ITPR2: variants seen among roughly 807,000 people sequenced by gnomAD.
The protein encoded by ITPR2 is inositol 1,4,5-trisphosphate-gated calcium channel ITPR2.
ITPR2 carries 207 observed loss-of-function variants against 317.1 expected under a neutral mutation model. The observed-to-expected ratio is 0.65, with a 90% confidence interval of 0.58 to 0.73. The LOEUF (loss-of-function observed/expected upper bound fraction) is 0.73, where lower values mean the gene tolerates loss of function less well. ITPR2 is among the 30% of genes least tolerant of loss of function. The pLI is 0.00. For synonymous variants in ITPR2, 1,156 were observed against 1,149.1 expected (o/e 1.01, Z -0.12); for missense variants, 2,613 against 3,284.0 (o/e 0.80, Z 4.99).
At chr12:26,817,878 G>A (rs1950886013) in intron 1 of ITPR2, among the ~76,000 whole-genome samples, 1 of 152,148 alleles carries the variant, frequency 6.6e-6, no homozygotes, top group South Asian at 2.1e-4. Context: ...GGGTGGGGGA[G>A]GCAGTAAATC....
At chr12:26,417,701 A>G (rs1940763396) in intron 50 of ITPR2, among the ~76,000 whole-genome samples, 1 of 152,172 alleles carries the variant, frequency 6.6e-6, no homozygotes, top group Non-Finnish European at 1.5e-5. Context: ...ACTCAGTCTC[A>G]GGTAGTATAT....
chr12:26,483,951 T>C (rs1942601979), intron 41 of ITPR2, 53 bp from the exon 42 acceptor site: 1 of 1,450,362 alleles, frequency 6.9e-7, no homozygotes, highest in Non-Finnish European at 9.7e-7. Context: ...ACTGTGCTGA[T>C]TGTTTGCTGT....
At chr12:26,505,143 T>A (rs1352186502) in intron 37 of ITPR2, among the ~76,000 whole-genome samples, 1 of 152,228 alleles carries the variant, frequency 6.6e-6, no homozygotes, top group Non-Finnish European at 1.5e-5. Context: ...GTTGTATATA[T>A]TTCTTCATAA....
At chr12:26,723,076 C>A (rs1217992055) in intron 4 of ITPR2, among the ~76,000 whole-genome samples, 1 of 152,040 alleles carries the variant, frequency 6.6e-6, no homozygotes, top group Non-Finnish European at 1.5e-5. Context: ...GGATGCTGAC[C>A]CTACCCCCTC....
At chr12:26,391,550 CTTTTCCTTT>C (rs1939839495) in intron 54 of ITPR2, among the ~76,000 whole-genome samples, 7 of 59,904 alleles carry the variant, frequency 1.2e-4, no homozygotes, top group Admixed American at 4.2e-4. Context: ...TCTTCTTCTT[CTTTTCCTTT>C]TTTTTTTTTT....
rs1237057477 is a variant in ITPR2 at position 26,694,524 on chromosome 12, G to C, written c.996+1082C>G. 2.0e-5 allele frequency among the ~76,000 whole-genome samples: 3 copies of C among 152,226 alleles called. No individual in the cohort carries two copies. The East Asian group carries it at 5.8e-4, about 29-fold the overall frequency. The stretch of plus-strand genomic sequence containing the variant: ...GATGCCCCACAGCTCCTCATGGCAT[G>C]TTCCTTTCTCACTGCATAAGTAATA... On this transcript the variant is annotated intron_variant, in intron 10 of 56. Coordinates refer to ENST00000381340, the MANE Select transcript of ITPR2 (RefSeq NM_002223.4).
At chr12:26,449,685 G>A (rs561219894) in intron 45 of ITPR2, among the ~76,000 whole-genome samples, 6 of 152,246 alleles carry the variant, frequency 3.9e-5, no homozygotes, top group African/African-American at 1.4e-4. Flanking sequence ...GAGGAAGAAA[G>A]GATGGCATGA....
intron 55 of ITPR2, among the ~76,000 whole-genome samples, chr12:26,375,447 T>C (rs1193420882): frequency 6.6e-6 from 1 of 152,236 alleles, no homozygotes; most frequent in Admixed American, 6.5e-5. Context: ...TCAGATCACA[T>C]GATATCCACA....
At chr12:26,672,560 G>C (rs1267192118) in intron 13 of ITPR2, among the ~76,000 whole-genome samples, 1 of 150,312 alleles carries the variant, frequency 6.7e-6, no homozygotes, top group East Asian at 1.9e-4. Context: ...AGTGTGTAGA[G>C]GGAAATTTAT....
At chr12:26,680,799 G>T (rs1361961846) in intron 13 of ITPR2, among the ~76,000 whole-genome samples, 2 of 152,172 alleles carry the variant, frequency 1.3e-5, no homozygotes, top group South Asian at 2.1e-4. Context: ...TCCATTTGGG[G>T]TTATTTCAAA....
chr12:26,376,309 T>C (rs10505997), intron 55 of ITPR2, among the ~76,000 whole-genome samples: 15,387 of 152,190 alleles, frequency 0.1, 860 homozygotes, highest in South Asian at 0.21. Flanking sequence ...TAAGCCAAAC[T>C]GAGATGATCA....
chr12:26,670,225 G>C (rs1947730718), intron 13 of ITPR2, among the ~76,000 whole-genome samples: 1 of 152,210 alleles, frequency 6.6e-6, no homozygotes, highest in Non-Finnish European at 1.5e-5. Context: ...CTGGAGATCT[G>C]AGAACGGGCA....
intron 2 of ITPR2, among the ~76,000 whole-genome samples, chr12:26,746,796 A>G (rs1303613747): frequency 6.6e-6 from 1 of 150,572 alleles, no homozygotes; most frequent in Non-Finnish European, 1.5e-5. Context: ...AAAGAGCACA[A>G]GTGTTCTCTT....
chr12:26,491,482 CAAAAAAAAAAA>C (rs57612774), intron 39 of ITPR2, among the ~76,000 whole-genome samples: 2 of 57,830 alleles, frequency 3.5e-5, no homozygotes, highest in African/African-American at 7.3e-5. Context: ...GACTCCATCT[CAAAAAAAAAAA>C]AAAAAAAAAA....
intron 13 of ITPR2, among the ~76,000 whole-genome samples, chr12:26,674,049 C>T (rs201157476): frequency 0.29 from 36,134 of 122,648 alleles, 5,171 homozygotes; most frequent in East Asian, 0.56. Context: ...TAAAAGAGGA[C>T]ACAAACAAAT....
chr12:26,464,079 A>G (rs781222738), intron 45 of ITPR2, among the ~76,000 whole-genome samples: 4 of 151,932 alleles, frequency 2.6e-5, no homozygotes, highest in Non-Finnish European at 5.9e-5. Context: ...TATTTCACCT[A>G]TTTCCTTTCT....
At position 26,463,537 on chromosome 12, in the gene ITPR2, C is replaced by A. The variant is rs1056208309; in HGVS notation, c.6342+11759G>T. Among the ~76,000 whole-genome samples, 5 of 151,724 alleles carry A rather than the reference C, an allele frequency of 3.3e-5. No homozygotes were observed. In the East Asian group the frequency reaches 9.7e-4, roughly 29 times the overall value. On this transcript the variant is annotated intron_variant, in intron 45 of 56. Transcript: ENST00000381340. ...AAAATTAGCCGGTCGTGGTGGCATG[C>A]ACCTGCAATCCCAGCTACTCGGGAG...
chr12:26,653,918 T>G (rs1331563176), intron 21 of ITPR2, 58 bp downstream of exon 21: 1 of 1,483,996 alleles, frequency 6.7e-7, no homozygotes, highest in Non-Finnish European at 9.3e-7. Context: ...GTAGTTTTGT[T>G]TTTTATCTTA....
chr12:26,611,703 C>G (rs895507574), intron 26 of ITPR2, among the ~76,000 whole-genome samples: 2 of 152,154 alleles, frequency 1.3e-5, no homozygotes, highest in East Asian at 3.8e-4. Context: ...ACATGAGGAA[C>G]TTTCCTCTGA....
Sources: gnomAD v4.1 joint callset for allele counts (sites outside exome capture counted in the v4.1 genomes callset) on GRCh38, gnomAD v4.1.1 for gene constraint, MANE v1.5 for transcripts, NCBI Gene and HGNC (gene_info 2026-07-23, HGNC 2026-07-21) for gene names.